Variants in SLC31A1 observed in about 807,000 individuals in gnomAD.
SLC31A1 encodes high affinity copper uptake protein 1.
In SLC31A1, 5 loss-of-function variants were observed where a neutral mutation model predicts 17.2. That is an observed-to-expected ratio of 0.29 (90% CI 0.15 to 0.61). SLC31A1 has a LOEUF of 0.61. Among genes scored for constraint, SLC31A1 ranks in the 20% least tolerant of loss-of-function variants. The probability of loss-of-function intolerance (pLI) is 0.86; values close to 1 mark genes in which losing one functional copy is unlikely to be tolerated. For synonymous variants in SLC31A1, 76 were observed against 78.8 expected (o/e 0.96, Z 0.19); for missense variants, 161 against 241.4 (o/e 0.67, Z 2.21).
intron 3 of SLC31A1, among the ~76,000 whole-genome samples, chr9:113,257,798 T>TGATA (rs1410286365): frequency 2.0e-5 from 3 of 152,222 alleles, no homozygotes; most frequent in Non-Finnish European, 2.9e-5. Flanking sequence ...TCAGAGTGTT[T>TGATA]ACTTATTTGA....
rs1415112916 is a variant in SLC31A1 at position 113,260,509 on chromosome 9, T to C, written c.*36T>C. On this transcript the variant is annotated 3_prime_UTR_variant, in exon 5 of 5. Coordinates refer to ENST00000374212, the MANE Select transcript of SLC31A1 (RefSeq NM_001859.4). ...TATGGCGTGGCCTTATCGATTGCAG[T>C]GGGAAGTTGTTGAAGACTTGAAGAC... 1.3e-6 allele frequency: 2 copies of C among 1,582,014 alleles called. No individual in the cohort carries two copies. Among genetic ancestry groups the C allele is most frequent in the African/African-American group, 2.7e-5 (2 of 74,290 alleles).
intron 1 of SLC31A1, among the ~76,000 whole-genome samples, chr9:113,236,833 G>A (rs1831465855): frequency 6.6e-6 from 1 of 152,158 alleles, no homozygotes; most frequent in Admixed American, 6.5e-5. Flanking sequence ...TTTTCAAATT[G>A]TAATCATTAT....
intron 1 of SLC31A1, among the ~76,000 whole-genome samples, chr9:113,235,568 G>A (rs1831448479): frequency 6.6e-6 from 1 of 152,178 alleles, no homozygotes; most frequent in Non-Finnish European, 1.5e-5. Flanking sequence ...CATTCTTTCT[G>A]CTTCCATTTA....
intron 1 of SLC31A1, among the ~76,000 whole-genome samples, chr9:113,248,695 T>C (rs1302213183): frequency 6.6e-6 from 1 of 151,982 alleles, no homozygotes; most frequent in Non-Finnish European, 1.5e-5. Flanking sequence ...GCCAGGCTGG[T>C]CTCAAACTCC....
rs534627618 is a variant in SLC31A1 at position 113,250,393 on chromosome 9, T to C, written c.-35-5721T>C. Reference sequence around the variant, plus strand: ...GTCCTTTGTAGGGACATGGATGGAATTGGAAATCATCATTCTCAGTAAACT... The same window carrying C: ...GTCCTTTGTAGGGACATGGATGGAACTGGAAATCATCATTCTCAGTAAACT... On this transcript the variant is annotated intron_variant, in intron 1 of 4. Coordinates refer to ENST00000374212, the MANE Select transcript of SLC31A1 (RefSeq NM_001859.4). Among the ~76,000 whole-genome samples the C allele has an allele frequency of 6.9e-3, 1,036 of 149,618 alleles. 5 individuals are homozygous for C. Among genetic ancestry groups the C allele is most frequent in the Non-Finnish European group, 8.9e-3 (600 of 67,490 alleles).
intron 1 of SLC31A1, among the ~76,000 whole-genome samples, chr9:113,250,825 A>G (rs1259982074): frequency 6.6e-6 from 1 of 151,720 alleles, no homozygotes; most frequent in Non-Finnish European, 1.5e-5. Context: ...GTCATTAGGG[A>G]TCCACCCTCA....
At chr9:113,230,952 C>A (rs564210283) in intron 1 of SLC31A1, among the ~76,000 whole-genome samples, 1 of 152,242 alleles carries the variant, frequency 6.6e-6, no homozygotes, top group South Asian at 2.1e-4. Flanking sequence ...TAAGCCAGAG[C>A]CTCCATCCTT....
At chr9:113,250,025 A>G (rs1831629079) in intron 1 of SLC31A1, among the ~76,000 whole-genome samples, 1 of 151,918 alleles carries the variant, frequency 6.6e-6, no homozygotes, top group Admixed American at 6.6e-5. Flanking sequence ...AAGTCAGGAA[A>G]TAACAGGTGC....
Position 113,257,114 on chromosome 9 carries a change from C to T in SLC31A1, c.131C>T (p.Pro44Leu), listed in dbSNP as rs1831737062. 1 of 1,613,640 alleles carries T rather than the reference C, an allele frequency of 6.2e-7. No homozygotes were observed. The highest frequency in any genetic ancestry group is 1.1e-5 in the South Asian group (1 of 91,080). ...TGACTTGTTTTGGTTTTCTGGCAGC[C>T]TATGACCTTCTACTTTGGCTTTAAG... The part of the protein sequence containing the change: ...GGGDSSMMMM[P>L]MTFYFGFKNV... The change falls in exon 3 of 5, where the codon CCT becomes CTT. Residue 44 changes from proline (P) to leucine (L), a missense_variant and splice_region_variant. Physicochemically the swap from Pro to Leu is moderately conservative, Grantham distance 98 (BLOSUM62 -3). Transcript: ENST00000374212.
At chr9:113,234,970 A>G (rs1414394006) in intron 1 of SLC31A1, among the ~76,000 whole-genome samples, 1 of 152,140 alleles carries the variant, frequency 6.6e-6, no homozygotes, top group African/African-American at 2.4e-5. Context: ...TTAGGATAAC[A>G]AATAAAGCAT....
At chr9:113,256,436 T>G in intron 2 of SLC31A1, 159 bp downstream of exon 2, 1 of 750,208 alleles carries the variant, frequency 1.3e-6, no homozygotes, top group Non-Finnish European at 2.1e-6. Flanking sequence ...TGCTCCAGAT[T>G]ATGTGGCAAG....
chr9:113,226,735 G>A (rs1202856786), intron 1 of SLC31A1, among the ~76,000 whole-genome samples: 1 of 152,066 alleles, frequency 6.6e-6, no homozygotes, highest in Admixed American at 6.6e-5. Flanking sequence ...ATGATTTGGA[G>A]GGAACATATA....
Position 113,263,148 on chromosome 9 carries a change from A to C in SLC31A1, c.*2675A>C, listed in dbSNP as rs12338803. ...CACTCAGCCCGGGTGACAAAGCAAG[A>C]CCCTGTCTCAGAAAAAAAGAAAATT... On this transcript the variant is annotated 3_prime_UTR_variant, in exon 5 of 5. Coordinates refer to ENST00000374212, the MANE Select transcript of SLC31A1 (RefSeq NM_001859.4). The C allele has an allele frequency of 0.24, 37,222 of 152,144 alleles. 4,770 individuals carry two copies. The highest frequency in any genetic ancestry group is 0.26 in the Non-Finnish European group (18,025 of 68,030). The allele number at this position is 152,144 out of a possible 1,614,324, so 9.4% of individuals were successfully genotyped here. A position where few individuals can be genotyped will look rare whatever the true frequency, so the allele number is the denominator to read the frequency against.
intron 4 of SLC31A1, 149 bp from the exon 5 acceptor site, chr9:113,260,123 G>A (rs1258495163): frequency 4.1e-6 from 3 of 724,692 alleles, no homozygotes; most frequent in African/African-American, 3.5e-5. Context: ...TCATTTCCAT[G>A]GACCAATCAA....
chr9:113,260,643 T>G lies in SLC31A1; in HGVS notation c.*170T>G, dbSNP rs1227822742. The G allele has an allele frequency of 1.5e-6, 1 of 683,214 alleles. No individual in the cohort carries two copies. The highest frequency in any genetic ancestry group is 2.6e-6 in the Non-Finnish European group (1 of 379,542). The allele number at this position is 683,214 out of a possible 1,614,324, so 42.3% of individuals were successfully genotyped here. A position where few individuals can be genotyped will look rare whatever the true frequency, so the allele number is the denominator to read the frequency against. Reference sequence around the variant, plus strand: ...CTCAACAGAGGTTTAGTTTACAGTCTCTGAACTAAAGTAGTAACCTCCCAA... The same window carrying G: ...CTCAACAGAGGTTTAGTTTACAGTCGCTGAACTAAAGTAGTAACCTCCCAA... On this transcript the variant is annotated 3_prime_UTR_variant, in exon 5 of 5. Transcript: ENST00000374212.
intron 1 of SLC31A1, among the ~76,000 whole-genome samples, chr9:113,253,412 T>C (rs1462299727): frequency 6.6e-6 from 1 of 152,144 alleles, no homozygotes; most frequent in East Asian, 1.9e-4. Context: ...AGCATGGTCT[T>C]TATTTTATTG....
In SLC31A1 at chr9:113,244,961, G is replaced by A. The variant is rs139525781; in HGVS notation, c.-35-11153G>A. ...CTTGTTGACCTGACCTATTTTCTTA[G>A]TACCTCCACTCATCGTTTTACTTAC... On this transcript the variant is annotated intron_variant, in intron 1 of 4. Transcript: ENST00000374212. Among the ~76,000 whole-genome samples, 7 of 152,116 alleles carry A rather than the reference G, an allele frequency of 4.6e-5. No homozygotes were observed. The East Asian group carries it at 1.4e-3, about 29-fold the overall frequency.
intron 1 of SLC31A1, among the ~76,000 whole-genome samples, chr9:113,229,021 T>C (rs1052546647): frequency 2.6e-5 from 4 of 152,182 alleles, no homozygotes; most frequent in African/African-American, 9.7e-5. Flanking sequence ...TGATTTTATA[T>C]TTTTAGTAGA....
intron 4 of SLC31A1, among the ~76,000 whole-genome samples, chr9:113,259,997 G>C (rs111253364): frequency 2.6e-5 from 4 of 152,192 alleles, no homozygotes; most frequent in African/African-American, 9.6e-5. Context: ...CTAAGGTGGA[G>C]GTAAGTCGGG....
Sources: gnomAD v4.1 joint callset for allele counts (sites outside exome capture counted in the v4.1 genomes callset) on GRCh38, gnomAD v4.1.1 for gene constraint, MANE v1.5 for transcripts, NCBI Gene and HGNC (gene_info 2026-07-23, HGNC 2026-07-21) for gene names.